ADNP2: variants seen among roughly 807,000 people sequenced by gnomAD.
The protein encoded by ADNP2 is ADNP homeobox 2, also known as activity-dependent neuroprotector homeobox protein 2.
Under a neutral mutation model 16.4 loss-of-function variants are expected in ADNP2, and 8 were observed. The ratio of observed to expected loss-of-function variants is 0.49; its 90% CI spans 0.29 to 0.88. ADNP2 has a LOEUF of 0.88. Ranked by LOEUF, ADNP2 falls within the 40% of genes least tolerant of loss-of-function variation. The probability of loss-of-function intolerance (pLI) is 0.09; values close to 1 mark genes in which losing one functional copy is unlikely to be tolerated. For synonymous variants in ADNP2, 637 were observed against 545.8 expected (o/e 1.17, Z -2.33); for missense variants, 1,397 against 1,395.1 (o/e 1.00, Z -0.02).
intron 2 of ADNP2, among the ~76,000 whole-genome samples, chr18:80,120,937 A>G (rs1395287402): frequency 6.6e-6 from 1 of 152,186 alleles, no homozygotes; most frequent in Non-Finnish European, 1.5e-5. Flanking sequence ...TGCTGCAATG[A>G]ACATTGGTGC....
At chr18:80,117,160 A>G (rs2052394555) in intron 1 of ADNP2, among the ~76,000 whole-genome samples, 1 of 152,158 alleles carries the variant, frequency 6.6e-6, no homozygotes, top group Non-Finnish European at 1.5e-5. Context: ...TGTCCTTTGA[A>G]GCATAAAAAT....
At chr18:80,111,805 A>G (rs1265272905) in intron 1 of ADNP2, among the ~76,000 whole-genome samples, 2 of 152,118 alleles carry the variant, frequency 1.3e-5, no homozygotes, top group Admixed American at 6.5e-5. Context: ...TTAGCCTTCC[A>G]AAGTGCTGGG....
At chr18:80,133,480 G>T (rs951564476) in intron 3 of ADNP2, among the ~76,000 whole-genome samples, 2 of 152,182 alleles carry the variant, frequency 1.3e-5, no homozygotes, top group South Asian at 4.1e-4. Context: ...TTTAATAATT[G>T]TTCTGAGTAA....
At chr18:80,112,475 TA>T (rs1199486116) in intron 1 of ADNP2, among the ~76,000 whole-genome samples, 1 of 152,240 alleles carries the variant, frequency 6.6e-6, no homozygotes, top group East Asian at 1.9e-4. Flanking sequence ...CTCCTTTTTT[TA>T]AATGAAAAGG....
At chr18:80,121,872 C>A (rs925373034) in intron 2 of ADNP2, among the ~76,000 whole-genome samples, 18 of 152,022 alleles carry the variant, frequency 1.2e-4, no homozygotes, top group Admixed American at 2.6e-4. Context: ...TCTGTACTCT[C>A]AGTTCTATTC....
At chr18:80,127,727 C>T (rs2145204605) in intron 2 of ADNP2, among the ~76,000 whole-genome samples, 1 of 152,298 alleles carries the variant, frequency 6.6e-6, no homozygotes, top group East Asian at 1.9e-4. Context: ...GTTTAAGACA[C>T]TTGGAATTTT....
chr18:80,113,501 T>C (rs1424340263), intron 1 of ADNP2, among the ~76,000 whole-genome samples: 1 of 152,212 alleles, frequency 6.6e-6, no homozygotes, highest in Non-Finnish European at 1.5e-5. Flanking sequence ...ACCTCAATAA[T>C]TTTTTGATGC....
Position 80,136,852 on chromosome 18 carries a change from A to G in ADNP2, c.1439A>G (p.Gln480Arg), listed in dbSNP as rs373750348. The change falls in exon 4 of 4, where the codon CAG becomes CGG. Residue 480 changes from glutamine (Q) to arginine (R), a missense_variant. Physicochemically the swap from Gln to Arg is conservative, Grantham distance 43. Around this residue, in one of 3 missense-constraint regions of ADNP2, gnomAD observed 777 missense variants for 719.4 expected, o/e 1.08. Transcript: ENST00000262198. ...ACTTCTGGGGTTCTTCCTACTGGCC[A>G]GATGGTCCAGTCAGGAGTTCTCCCT... ...TATSGVLPTG[Q>R]MVQSGVLPVG... The G allele has an allele frequency of 5.6e-6, 9 of 1,613,932 alleles. No homozygotes were observed. The highest frequency in any genetic ancestry group is 5.9e-6 in the Non-Finnish European group (7 of 1,179,934).
At position 80,137,409 on chromosome 18, in the gene ADNP2, G is replaced by T; in HGVS notation, c.1996G>T (p.Val666Leu). ...MPGMPSPPVL[V>L]NAAQSVFVQA... ...CGGCATGCCCTCTCCTCCAGTGCTG[G>T]TGAATGCTGCTCAGAGCGTGTTTGT... The change falls in exon 4 of 4, where the codon GTG (valine) becomes TTG (leucine). Residue 666 changes from valine to leucine, a missense_variant. Coordinates refer to ENST00000262198, the MANE Select transcript of ADNP2 (RefSeq NM_014913.4). The surrounding 1 kb of genome is among the most constrained non-coding windows in gnomAD (Gnocchi z 4.2). 1 of 1,614,178 alleles carries T rather than the reference G, an allele frequency of 6.2e-7. No homozygotes were observed. The highest frequency in any genetic ancestry group is 8.5e-7 in the Non-Finnish European group (1 of 1,180,050).
At chr18:80,128,619 C>T (rs1041017120) in intron 2 of ADNP2, among the ~76,000 whole-genome samples, 1 of 152,138 alleles carries the variant, frequency 6.6e-6, no homozygotes, top group South Asian at 2.1e-4. Flanking sequence ...CACTGCACTC[C>T]AGCCTGGGCG....
At chr18:80,114,260 T>C (rs2052375619) in intron 1 of ADNP2, among the ~76,000 whole-genome samples, 1 of 151,878 alleles carries the variant, frequency 6.6e-6, no homozygotes, top group Admixed American at 6.6e-5. Context: ...GCATAAAAAT[T>C]AAAATTTTTC....
chr18:80,110,418 G>A (rs1268732459), intron 1 of ADNP2, among the ~76,000 whole-genome samples: 1 of 152,158 alleles, frequency 6.6e-6, no homozygotes. Flanking sequence ...GGCTGTGGAG[G>A]AGTGGGGTGG....
rs1399122682 is a variant in ADNP2, at chr18:80,138,371, G to A, written c.2958G>A (p.Gly986=). 2 of 1,613,972 alleles carry A rather than the reference G, an allele frequency of 1.2e-6. No homozygotes were observed. Among genetic ancestry groups the A allele is most frequent in the African/African-American group, 1.3e-5 (1 of 74,932 alleles). The change falls in exon 4 of 4, where the codon GGG becomes GGA. Residue 986 remains glycine (G), a synonymous_variant. Coordinates refer to ENST00000262198, the MANE Select transcript of ADNP2 (RefSeq NM_014913.4). ...VKRKLPDGHL[G]AEDQRHGEEQ... ...GAAAGCTGCCTGACGGCCACTTAGG[G>A]GCCGAAGACCAGCGGCATGGGGAGG...
rs1260266544 is a variant in ADNP2, at chr18:80,140,154, A to C, written c.*1345A>C. ...AGCCTCTGAGAAACATAATGTTACT[A>C]TGTGGATTTTAAAAAATATAATACT... On this transcript the variant is annotated 3_prime_UTR_variant, in exon 4 of 4. Coordinates refer to ENST00000262198, the MANE Select transcript of ADNP2 (RefSeq NM_014913.4). 1 of 152,276 alleles carries C rather than the reference A, an allele frequency of 6.6e-6. No homozygotes were observed. Among genetic ancestry groups the C allele is most frequent in the Non-Finnish European group, 1.5e-5 (1 of 68,044 alleles). 9.4% of individuals were successfully genotyped at this position (152,276 alleles called of 1,614,324 possible).
Position 80,137,524 on chromosome 18 carries a change from C to T in ADNP2, c.2111C>T (p.Pro704Leu), listed in dbSNP as rs1476275568. 18 of 1,614,254 alleles carry T rather than the reference C, an allele frequency of 1.1e-5. No individual in the cohort carries two copies. Among genetic ancestry groups the T allele is most frequent in the Non-Finnish European group, 1.4e-5 (16 of 1,180,050 alleles). The change falls in exon 4 of 4, where the codon CCG becomes CTG. Residue 704 changes from proline to leucine, a missense_variant. Transcript: ENST00000262198. The surrounding 1 kb of genome is among the most constrained non-coding windows in gnomAD (Gnocchi z 4.2). Reference protein sequence around the residue: ...KTCPVCNELFPSNVYQVHMEV... With the variant: ...KTCPVCNELFLSNVYQVHMEV... ...TGCCCTGTCTGCAACGAGCTCTTTC[C>T]GTCCAACGTCTACCAGGTCCACATG...
chr18:80,124,815 T>A (rs890818662), intron 2 of ADNP2, among the ~76,000 whole-genome samples: 1 of 152,202 alleles, frequency 6.6e-6, no homozygotes, highest in African/African-American at 2.4e-5. Context: ...TAACTCTTAA[T>A]TCTAGATATT....
Position 80,138,959 on chromosome 18 carries a change from C to G in ADNP2, c.*150C>G, listed in dbSNP as rs1295203037. 6.1e-5 allele frequency: 38 copies of G among 618,808 alleles called. No individual in the cohort carries two copies. Among genetic ancestry groups the G allele is most frequent in the Non-Finnish European group, 8.6e-5 (35 of 405,592 alleles). The allele number at this position is 618,808 out of a possible 1,614,324, so 38.3% of individuals were successfully genotyped here. On this transcript the variant is annotated 3_prime_UTR_variant, in exon 4 of 4. Transcript: ENST00000262198. ...AGTTACTTCAGGTGCTGGAGAGACC[C>G]CTGTTACCAGGAAGCCAGTAGTTAT... is the stretch of plus-strand genomic sequence containing the variant.
In ADNP2 at chr18:80,138,608, A is replaced by G; in HGVS notation, c.3195A>G (p.Lys1065=). The G allele has an allele frequency of 6.2e-7, 1 of 1,608,636 alleles. No individual in the cohort carries two copies. Among genetic ancestry groups the G allele is most frequent in the African/African-American group, 1.3e-5 (1 of 74,546 alleles). The change falls in exon 4 of 4, where the codon AAA becomes AAG. Residue 1065 remains lysine (K), a synonymous_variant. Transcript: ENST00000262198. ...TTCTTAAAGATTATTTCCATAAGAA[A>G]CCATATCCTAGTAAAAAGGAAATAG... ...KQFLKDYFHK[K]PYPSKKEIEL... is the part of the protein sequence containing the mutation.
In ADNP2 at chr18:80,139,509, A is replaced by G. The variant is rs2052567141; in HGVS notation, c.*700A>G. On this transcript the variant is annotated 3_prime_UTR_variant, in exon 4 of 4. Transcript: ENST00000262198. Reference sequence around the variant, plus strand: ...GTATGTAGCTCATACATCAAGAGTTATTTTACAAATAAATTTATTCTGTAG... The same window carrying G: ...GTATGTAGCTCATACATCAAGAGTTGTTTTACAAATAAATTTATTCTGTAG... 1 of 152,426 alleles carries G rather than the reference A, an allele frequency of 6.6e-6. No individual in the cohort carries two copies. Among genetic ancestry groups the G allele is most frequent in the African/African-American group, 2.4e-5 (1 of 41,372 alleles). 9.4% of individuals were successfully genotyped at this position (152,426 alleles called of 1,614,324 possible).
Sources: gnomAD v4.1 joint callset for allele counts (sites outside exome capture counted in the v4.1 genomes callset) on GRCh38, gnomAD v4.1.1 for gene constraint, gnomAD v4.1.1 regional missense constraint, Gnocchi (gnomAD v3.1) non-coding constraint, MANE v1.5 for transcripts, NCBI Gene and HGNC (gene_info 2026-07-23, HGNC 2026-07-21) for gene names.